Variants in NPHP3 observed in about 807,000 individuals in gnomAD.
NPHP3 encodes nephrocystin 3.
NPHP3 carries 123 observed loss-of-function variants against 171.9 expected under a neutral mutation model. The ratio of observed to expected loss-of-function variants is 0.72; its 90% CI spans 0.62 to 0.83. The LOEUF (loss-of-function observed/expected upper bound fraction) is 0.83, where lower values mean the gene tolerates loss of function less well. Among genes scored for constraint, NPHP3 ranks in the 40% least tolerant of loss-of-function variants. NPHP3 has a pLI of 0.00. For missense variants in NPHP3, 1,506 were observed against 1,591.9 expected, an observed-to-expected ratio of 0.95 and a Z score of 0.92; for synonymous variants, 558 against 579.2, an observed-to-expected ratio of 0.96 and a Z score of 0.52.
At chr3:132,694,733 T>A (rs1018775286) in intron 16 of NPHP3, 94 bp downstream of exon 16, 1 of 1,480,750 alleles carries the variant, frequency 6.8e-7, no homozygotes, top group Non-Finnish European at 9.3e-7. Context: ...TGAAACATAT[T>A]TAAGCACAAA....
rs750034245 is a variant in NPHP3, at chr3:132,716,941, G to A, written c.671-32C>T. 24 of 1,610,252 alleles carry A rather than the reference G, an allele frequency of 1.5e-5. 1 individual carries two copies. The South Asian group carries it at 2.6e-4, about 18-fold the overall frequency. On this transcript the variant is annotated intron_variant, in intron 3 of 26. Transcript: ENST00000337331. Reference sequence around the variant, plus strand: ...AGCAAGAGATTTTTATCTTGTGAAAGCCAACTTATTGAATGTTCAAAAACT... The same window carrying A: ...AGCAAGAGATTTTTATCTTGTGAAAACCAACTTATTGAATGTTCAAAAACT...
intron 6 of NPHP3, among the ~76,000 whole-genome samples, chr3:132,708,518 T>G (rs1408975736): frequency 6.6e-6 from 1 of 152,240 alleles, no homozygotes; most frequent in Non-Finnish European, 1.5e-5. Context: ...CACATAAAAC[T>G]TTATTTTTTA....
At chr3:132,714,251 T>C (rs909827825) in intron 5 of NPHP3, among the ~76,000 whole-genome samples, 4 of 152,236 alleles carry the variant, frequency 2.6e-5, no homozygotes, top group South Asian at 2.1e-4. Context: ...TCCTTTTGAT[T>C]TTTTTCTACC....
rs566340773 is a variant in NPHP3, at chr3:132,682,405, T to C, written c.3812+298A>G. 3 of 550,096 alleles carry C rather than the reference T, an allele frequency of 5.5e-6. No homozygotes were observed. In the South Asian group the frequency reaches 6.4e-5, roughly 12 times the overall value. 34.1% of individuals were successfully genotyped at this position (550,096 alleles called of 1,614,324 possible). On this transcript the variant is annotated intron_variant, in intron 26 of 26. Transcript: ENST00000337331. Reference sequence around the variant, plus strand: ...GAGCAAGCAAAAGTCAACATATACTTAATGGCAACTTCACTCTGGGGACAG... The same window carrying C: ...GAGCAAGCAAAAGTCAACATATACTCAATGGCAACTTCACTCTGGGGACAG...
At chr3:132,684,918 A>G (rs1273987889) in intron 23 of NPHP3, 124 bp from the exon 24 acceptor site, 3 of 1,235,248 alleles carry the variant, frequency 2.4e-6, no homozygotes, top group Non-Finnish European at 3.5e-6. Flanking sequence ...TAAGAGATTC[A>G]GCTCAAAATC....
At chr3:132,686,132 T>C (rs1939155727) in intron 23 of NPHP3, 128 bp downstream of exon 23, 6 of 902,320 alleles carry the variant, frequency 6.6e-6, no homozygotes, top group Non-Finnish European at 1.1e-5. Flanking sequence ...TTATATAACA[T>C]CATACATGAA....
chr3:132,706,522 A>G (rs1375748335), intron 7 of NPHP3, among the ~76,000 whole-genome samples: 2 of 152,138 alleles, frequency 1.3e-5, no homozygotes, highest in Non-Finnish European at 2.9e-5. Context: ...TCTATAAAAG[A>G]CAAAAGCAAA....
At position 132,699,367 on chromosome 3, in the gene NPHP3, G is replaced by A. The variant is rs749175587; in HGVS notation, c.1971C>T (p.Cys657=). The A allele has an allele frequency of 1.2e-6, 2 of 1,608,198 alleles. No homozygotes were observed. Among genetic ancestry groups the A allele is most frequent in the Non-Finnish European group, 1.7e-6 (2 of 1,175,608 alleles). The change falls in exon 13 of 27, where the codon TGC becomes TGT. Residue 657 remains cysteine, a synonymous_variant. Coordinates refer to ENST00000337331, the MANE Select transcript of NPHP3 (RefSeq NM_153240.5). ...TGGCATCGTACCTCCATGCTGGAGG[G>A]CATGTTTCTACATTCACAGAAACAA... ...RVIVSVNVET[C]PPAWRLWPTL...
intron 23 of NPHP3, chr3:132,685,471 G>GT (rs1414478506): frequency 4.6e-5 from 7 of 152,066 alleles, no homozygotes; most frequent in Non-Finnish European, 8.8e-5. Context: ...ATAAGTTTCT[G>GT]TAAGTGGGCT....
chr3:132,687,791 G>A (rs1333439566), intron 21 of NPHP3, among the ~76,000 whole-genome samples: 1 of 152,156 alleles, frequency 6.6e-6, no homozygotes, highest in Non-Finnish European at 1.5e-5. Flanking sequence ...GCCATTCATT[G>A]GGTGCCTGAT....
chr3:132,685,440 G>T (rs1939130389), intron 23 of NPHP3: 1 of 152,090 alleles, frequency 6.6e-6, no homozygotes, highest in Non-Finnish European at 1.5e-5. Context: ...TTTAACAAAA[G>T]AATAAATCAT....
chr3:132,691,102 C>CT, intron 18 of NPHP3, 90 bp downstream of exon 18: 4 of 1,006,794 alleles, frequency 4.0e-6, no homozygotes, highest in Non-Finnish European at 3.2e-6. Context: ...AGTTTTTGTA[C>CT]TTTAAGTTGT....
At chr3:132,690,446 T>A (rs1415833818) in intron 19 of NPHP3, 82 bp downstream of exon 19, 2 of 1,390,532 alleles carry the variant, frequency 1.4e-6, no homozygotes, top group African/African-American at 2.9e-5. Flanking sequence ...ATTTTTAAAT[T>A]AAAAATACCA....
In NPHP3 at chr3:132,683,433, G is replaced by A. The variant is rs202048210; in HGVS notation, c.3662C>T (p.Ala1221Val). 1.8e-4 allele frequency: 287 copies of A among 1,613,136 alleles called. No homozygotes were observed. The highest frequency in any genetic ancestry group is 1.4e-3 in the South Asian group (124 of 91,050). ...ATAAAGAACAGCTAAGTTCACCAAG[G>A]CAGTAGCTACACTAGGGTGCTTTGG... The part of the protein sequence containing the change: ...FGPKHPSVAT[A>V]LVNLAVLYSQ... Residue 1221 changes from alanine to valine, a missense_variant, in exon 25 of 27, where the codon GCC (alanine) becomes GTC (valine). By Grantham distance (64) the Ala-to-Val change is moderately conservative (BLOSUM62 0). Transcript: ENST00000337331.
Position 132,708,204 on chromosome 3 carries a change from G to C in NPHP3, c.1172C>G (p.Pro391Arg), listed in dbSNP as rs138982161. Residue 391 changes from proline to arginine, a missense_variant, in exon 7 of 27, where the codon CCT becomes CGT. Coordinates refer to ENST00000337331, the MANE Select transcript of NPHP3 (RefSeq NM_153240.5). ...EAFLKNPEGK[P>R]RLIFHRLEDG... ...TTCCAAACGATGAAAGATTAATCGA[G>C]GTTTTCCTTCAGGGTTTTTCAGAAA... The C allele has an allele frequency of 4.0e-5, 65 of 1,614,046 alleles. No homozygotes were observed. The African/African-American group carries it at 8.0e-4, about 20-fold the overall frequency.
intron 25 of NPHP3, 99 bp downstream of exon 25, chr3:132,683,300 T>C: frequency 1.9e-6 from 2 of 1,078,818 alleles, no homozygotes; most frequent in East Asian, 5.0e-5. Flanking sequence ...CCTTAAATTG[T>C]CTTTCATTCT....
chr3:132,695,002 T>C (rs760537050), intron 15 of NPHP3, 37 bp from the exon 16 acceptor site: 15 of 1,610,828 alleles, frequency 9.3e-6, no homozygotes, highest in Admixed American at 1.7e-5. Context: ...TTCTTACAGA[T>C]TGCCAACATC....
chr3:132,686,368 C>T lies in NPHP3; in HGVS notation c.3221G>A (p.Arg1074His), dbSNP rs144781228. 3.1e-4 allele frequency: 504 copies of T among 1,613,932 alleles called. 2 individuals carry two copies. In the African/African-American group the frequency reaches 4.3e-3, roughly 14 times the overall value. The change falls in exon 23 of 27, where the codon CGT (arginine) becomes CAT (histidine). Residue 1074 changes from arginine to histidine, a missense_variant. Arg to His is a conservative substitution (Grantham distance 29, BLOSUM62 0). Around this residue, in one of 3 missense-constraint regions of NPHP3, gnomAD observed 569 missense variants for 648.1 expected, o/e 0.88. Transcript: ENST00000337331. Reference sequence around the variant, plus strand: ...CTCTTCTAACTGTAAAGCCCGTCTACGTAAAAGGGCAAATCCGTACTGCAG... The same window carrying T: ...CTCTTCTAACTGTAAAGCCCGTCTATGTAAAAGGGCAAATCCGTACTGCAG... ...KGNLYGFALL[R>H]RRALQLEELT...
At chr3:132,721,489 C>G (rs1464348135) in intron 1 of NPHP3, 1 of 235,676 alleles carries the variant, frequency 4.2e-6, no homozygotes, top group African/African-American at 2.3e-5. Flanking sequence ...GGGTGAAACT[C>G]CTAGGAAGAG....
Sources: gnomAD v4.1 joint callset for allele counts (sites outside exome capture counted in the v4.1 genomes callset) on GRCh38, gnomAD v4.1.1 for gene constraint, gnomAD v4.1.1 regional missense constraint, MANE v1.5 for transcripts, NCBI Gene and HGNC (gene_info 2026-07-23, HGNC 2026-07-21) for gene names.